Variants in PCK2 observed in about 807,000 individuals in gnomAD.
The protein encoded by PCK2 is phosphoenolpyruvate carboxykinase [GTP], mitochondrial.
In PCK2, 56 loss-of-function variants were observed where a neutral mutation model predicts 65.9. The observed-to-expected ratio is 0.85, with a 90% confidence interval of 0.69 to 1.06. The LOEUF (loss-of-function observed/expected upper bound fraction) is 1.06, where lower values mean the gene tolerates loss of function less well. PCK2 is among the 50% of genes least tolerant of loss of function. PCK2 has a pLI of 0.00. For missense variants in PCK2, 843 were observed against 863.1 expected, an observed-to-expected ratio of 0.98 and a Z score of 0.29; for synonymous variants, 305 against 319.6, an observed-to-expected ratio of 0.95 and a Z score of 0.49.
At position 24,094,415 on chromosome 14, in the gene PCK2, T is replaced by C. The variant is rs1270151846; in HGVS notation, c.10T>C (p.Leu4=). The C allele has an allele frequency of 3.2e-6, 5 of 1,561,370 alleles. No individual in the cohort carries two copies. Among genetic ancestry groups the C allele is most frequent in the Non-Finnish European group, 4.3e-6 (5 of 1,158,048 alleles). The change falls in exon 1 of 10, where the codon TTG becomes CTG. Residue 4 remains leucine, a synonymous_variant. Transcript: ENST00000216780. This position sits in a 1 kb window ranked among gnomAD's most constrained non-coding sequence, Gnocchi z 4.1. MAA[L]YRPGLRLNWH... is the part of the protein sequence containing the mutation. ...CCCCTGCCCAGGTGCCATGGCCGCA[T>C]TGTACCGCCCTGGCCTGCGGTGAGT...
intron 1 of PCK2, among the ~76,000 whole-genome samples, chr14:24,096,575 C>G (rs948070824): frequency 6.6e-6 from 1 of 152,150 alleles, no homozygotes; most frequent in Non-Finnish European, 1.5e-5. Context: ...AACAGTTAAA[C>G]ATGGGCATGG....
intron 7 of PCK2, 47 bp downstream of exon 7, chr14:24,100,260 C>T (rs2037109262): frequency 1.3e-6 from 2 of 1,599,900 alleles, no homozygotes; most frequent in Non-Finnish European, 1.7e-6. Context: ...GCCTCAGCAC[C>T]TTAATGGTGG....
chr14:24,102,931 ATC>A (rs1167466903), intron 8 of PCK2, 41 bp downstream of exon 8: 4 of 1,593,692 alleles, frequency 2.5e-6, no homozygotes, highest in African/African-American at 2.7e-5. Context: ...CAAAAGGGCT[ATC>A]TCTGTATTAG....
At chr14:24,098,082 T>G in intron 2 of PCK2, 121 bp from the exon 3 acceptor site, 9 of 758,160 alleles carry the variant, frequency 1.2e-5, no homozygotes, top group Non-Finnish European at 1.9e-5. Flanking sequence ...TGAGATGTGA[T>G]TGGGTGGGGA....
upstream of PCK2, chr14:24,094,221 C>T (rs1289335372): frequency 1.2e-5 from 7 of 588,812 alleles, no homozygotes; most frequent in Non-Finnish European, 1.7e-5. This position sits in a 1 kb window ranked among gnomAD's most constrained non-coding sequence, Gnocchi z 4.1. Flanking sequence ...GGCCTGCCAG[C>T]GGGGCGGAGG....
Position 24,094,443 on chromosome 14 carries a change from C to G in PCK2, c.29+9C>G, listed in dbSNP as rs1410980587. On this transcript the variant is annotated intron_variant, in intron 1 of 9. Coordinates refer to ENST00000216780, the MANE Select transcript of PCK2 (RefSeq NM_004563.4). This position sits in a 1 kb window ranked among gnomAD's most constrained non-coding sequence, Gnocchi z 4.1. ...TACCGCCCTGGCCTGCGGTGAGTGA[C>G]CCCCGGCCCGGGGCCCACCCGCACC... 2 of 1,540,438 alleles carry G rather than the reference C, an allele frequency of 1.3e-6. No individual in the cohort carries two copies. The highest frequency in any genetic ancestry group is 1.7e-6 in the Non-Finnish European group (2 of 1,149,616).
At chr14:24,101,371 TC>T (rs1249186217) in intron 7 of PCK2, among the ~76,000 whole-genome samples, 5 of 152,098 alleles carry the variant, frequency 3.3e-5, no homozygotes, top group Non-Finnish European at 7.4e-5. Flanking sequence ...CCCCGTGGCT[TC>T]CCCACTCCCC....
At chr14:24,102,667 AC>A (rs1332718054) in intron 7 of PCK2, 85 bp from the exon 8 acceptor site, 4 of 1,176,088 alleles carry the variant, frequency 3.4e-6, no homozygotes, top group Admixed American at 2.2e-5. Flanking sequence ...AAAAAAAAGA[AC>A]CCTGCAAGAA....
Position 24,102,947 on chromosome 14 carries a change from C to T in PCK2, c.1372+57C>T, listed in dbSNP as rs1188351427. ...AAAAGGGCTATCTCTGTATTAGGGC[C>T]TACCTCCCTCCCTCTGATCCAGAGC... On this transcript the variant is annotated intron_variant, in intron 8 of 9. Coordinates refer to ENST00000216780, the MANE Select transcript of PCK2 (RefSeq NM_004563.4). 3 of 1,520,158 alleles carry T rather than the reference C, an allele frequency of 2.0e-6. No individual in the cohort carries two copies. The African/African-American group carries it at 4.1e-5, about 21-fold the overall frequency. 94.2% of individuals were successfully genotyped at this position (1,520,158 alleles called of 1,614,324 possible).
At position 24,103,601 on chromosome 14, in the gene PCK2, G is replaced by T; in HGVS notation, c.1560G>T (p.Gly520=). 1 of 1,612,162 alleles carries T rather than the reference G, an allele frequency of 6.2e-7. No individual in the cohort carries two copies. The highest frequency in any genetic ancestry group is 8.5e-7 in the Non-Finnish European group (1 of 1,178,720). Reference sequence around the variant, plus strand: ...TGGAACACTGGCTGAGCATGGAAGGGCGCAAGGGGGCCCAGCTGCCCCGTA... The same window carrying T: ...TGGAACACTGGCTGAGCATGGAAGGTCGCAAGGGGGCCCAGCTGCCCCGTA... The part of the protein sequence containing the change: ...HYLEHWLSME[G]RKGAQLPRIF... The change falls in exon 10 of 10, where the codon GGG becomes GGT. Residue 520 remains glycine, a synonymous_variant. Coordinates refer to ENST00000216780, the MANE Select transcript of PCK2 (RefSeq NM_004563.4).
At position 24,103,936 on chromosome 14, in the gene PCK2, C is replaced by A; in HGVS notation, c.1895C>A (p.Ala632Asp). ...LPKEVLAELEALERRVHKM is the reference protein window; with the variant it reads ...LPKEVLAELEDLERRVHKM ...AAAGAGGTGTTGGCTGAGCTTGAGG[C>A]CCTGGAGAGACGTGTGCACAAAATG... is the stretch of plus-strand genomic sequence containing the variant. The change falls in exon 10 of 10, where the codon GCC (alanine) becomes GAC (aspartate). Residue 632 changes from alanine to aspartate, a missense_variant. Ala to Asp is a moderately radical substitution (Grantham distance 126, BLOSUM62 -2). Coordinates refer to ENST00000216780, the MANE Select transcript of PCK2 (RefSeq NM_004563.4). The A allele has an allele frequency of 6.2e-7, 1 of 1,613,810 alleles. No individual in the cohort carries two copies. The highest frequency in any genetic ancestry group is 8.5e-7 in the Non-Finnish European group (1 of 1,179,930).
At chr14:24,095,279 C>T (rs1233421136) in intron 1 of PCK2, 3 of 452,942 alleles carry the variant, frequency 6.6e-6, no homozygotes, top group Non-Finnish European at 8.9e-6. Flanking sequence ...CAAGAGATAA[C>T]GTGAGCCAGG....
In PCK2 at chr14:24,103,859, G is replaced by A; in HGVS notation, c.1818G>A (p.Glu606=). The A allele has an allele frequency of 6.2e-7, 1 of 1,614,170 alleles. No homozygotes were observed. Among genetic ancestry groups the A allele is most frequent in the Non-Finnish European group, 8.5e-7 (1 of 1,180,026 alleles). ...FSLPKDFWEQ[E]VRDIRSYLTE... is the part of the protein sequence containing the mutation. ...TCCCCAAGGACTTCTGGGAACAGGAGGTTCGTGACATTCGGAGCTACCTGA... is the reference window on the plus strand; with the variant it reads ...TCCCCAAGGACTTCTGGGAACAGGAAGTTCGTGACATTCGGAGCTACCTGA... The change falls in exon 10 of 10, where the codon GAG becomes GAA. Residue 606 remains glutamate, a synonymous_variant. Coordinates refer to ENST00000216780, the MANE Select transcript of PCK2 (RefSeq NM_004563.4).
intron 2 of PCK2, 134 bp from the exon 3 acceptor site, chr14:24,098,069 G>A: frequency 4.2e-6 from 3 of 710,380 alleles, no homozygotes; most frequent in South Asian, 3.9e-5. Flanking sequence ...TGGAGGAAGG[G>A]ACTGAGATGT....
At position 24,096,923 on chromosome 14, in the gene PCK2, T is replaced by G. The variant is rs2138939029; in HGVS notation, c.61T>G (p.Trp21Gly). The G allele has an allele frequency of 6.2e-7, 1 of 1,613,542 alleles. No individual in the cohort carries two copies. Among genetic ancestry groups the G allele is most frequent in the African/African-American group, 1.3e-5 (1 of 75,040 alleles). The change falls in exon 2 of 10, where the codon TGG (tryptophan) becomes GGG (glycine). Residue 21 changes from tryptophan (W) to glycine (G), a missense_variant. Physicochemically the swap from Trp to Gly is radical, Grantham distance 184. Coordinates refer to ENST00000216780, the MANE Select transcript of PCK2 (RefSeq NM_004563.4). The part of the protein sequence containing the change: ...LNWHGLSPLG[W>G]PSCRSIQTLR... ...CTGGCATGGGCTGAGCCCCTTGGGC[T>G]GGCCATCATGCCGTAGCATCCAGAC...
rs1203038462 is a variant in PCK2, at chr14:24,103,202, T to A, written c.1415T>A (p.Val472Glu). 1 of 1,614,032 alleles carries A rather than the reference T, an allele frequency of 6.2e-7. No homozygotes were observed. Among genetic ancestry groups the A allele is most frequent in the Non-Finnish European group, 8.5e-7 (1 of 1,179,960 alleles). Residue 472 changes from valine (V) to glutamate (E), a missense_variant, in exon 9 of 10, where the codon GTG becomes GAG. Physicochemically the swap from Val to Glu is moderately radical, Grantham distance 121. Coordinates refer to ENST00000216780, the MANE Select transcript of PCK2 (RefSeq NM_004563.4). The stretch of plus-strand genomic sequence containing the variant: ...GAGGCCTTCAACTGGCGTCATGGGG[T>A]GTTTGTGGGCAGCGCCATGCGCTCT... ...VYEAFNWRHGVFVGSAMRSES... is the reference protein window; with the variant it reads ...VYEAFNWRHGEFVGSAMRSES...
rs747471867 is a variant in PCK2, at chr14:24,097,149, G to C, written c.275+12G>C. 3.1e-6 allele frequency: 5 copies of C among 1,612,522 alleles called. No individual in the cohort carries two copies. In the African/African-American group the frequency reaches 6.7e-5, roughly 22 times the overall value. On this transcript the variant is annotated intron_variant, in intron 2 of 9. Coordinates refer to ENST00000216780, the MANE Select transcript of PCK2 (RefSeq NM_004563.4). The stretch of plus-strand genomic sequence containing the variant: ...AAGTACAATAACTGGTAAGCCTTGG[G>C]CTCCACAACCTGCAGGATAGGTGCA...
At chr14:24,099,006 C>T (rs779877756) in intron 4 of PCK2, 43 bp from the exon 5 acceptor site, 2 of 1,501,580 alleles carry the variant, frequency 1.3e-6, no homozygotes, top group Non-Finnish European at 1.8e-6. Context: ...CACCCCAGTT[C>T]CTGATGCTGC....
chr14:24,103,600 G>C lies in PCK2; in HGVS notation c.1559G>C (p.Gly520Ala), dbSNP rs745346581. 1.2e-6 allele frequency: 2 copies of C among 1,611,156 alleles called. No individual in the cohort carries two copies. Among genetic ancestry groups the C allele is most frequent in the African/African-American group, 2.7e-5 (2 of 74,902 alleles). The part of the protein sequence containing the change: ...HYLEHWLSME[G>A]RKGAQLPRIF... ...CTGGAACACTGGCTGAGCATGGAAG[G>C]GCGCAAGGGGGCCCAGCTGCCCCGT... The change falls in exon 10 of 10, where the codon GGG becomes GCG. Residue 520 changes from glycine (G) to alanine (A), a missense_variant. Coordinates refer to ENST00000216780, the MANE Select transcript of PCK2 (RefSeq NM_004563.4).
Sources: gnomAD v4.1 joint callset for allele counts (sites outside exome capture counted in the v4.1 genomes callset) on GRCh38, gnomAD v4.1.1 for gene constraint, Gnocchi (gnomAD v3.1) non-coding constraint, MANE v1.5 for transcripts, NCBI Gene and HGNC (gene_info 2026-07-23, HGNC 2026-07-21) for gene names.